The following TMPRSS15 variants were observed in gnomAD, a reference collection of about 807,000 sequenced individuals.
TMPRSS15 encodes the protein enteropeptidase.
A neutral mutation model predicts 125.3 loss-of-function variants in TMPRSS15; 128 were observed. The ratio of observed to expected loss-of-function variants is 1.02; its 90% CI spans 0.89 to 1.18. The LOEUF is 1.18. TMPRSS15 is among the 50% of genes most tolerant of loss of function. The pLI is 0.00. For synonymous variants in TMPRSS15, 446 were observed against 423.2 expected (o/e 1.05, Z -0.66); for missense variants, 1,283 against 1,212.7 (o/e 1.06, Z -0.86).
chr21:18,372,098 ATGTGTGTGTGTGTG>A (rs56932398), intron 6 of TMPRSS15, 81 bp downstream of exon 6: 199 of 538,756 alleles, frequency 3.7e-4, no homozygotes, highest in African/African-American at 2.8e-3. Flanking sequence ...TGAGATTAGA[ATGTGTGTGTGTGTG>A]TGTGTGTGTG....
chr21:18,292,995 T>G (rs1286552017), intron 21 of TMPRSS15, among the ~76,000 whole-genome samples: 1 of 152,172 alleles, frequency 6.6e-6, no homozygotes, highest in African/African-American at 2.4e-5. Flanking sequence ...GAGCTTTAGA[T>G]GTAGATGGGA....
Position 18,379,293 on chromosome 21 carries a change from C to G in TMPRSS15, c.522G>C (p.Leu174=), listed in dbSNP as rs773347274. The G allele has an allele frequency of 7.5e-7, 1 of 1,334,886 alleles. No homozygotes were observed. Among genetic ancestry groups the G allele is most frequent in the South Asian group, 2.2e-5 (1 of 45,760 alleles). 82.7% of individuals were successfully genotyped at this position (1,334,886 alleles called of 1,614,324 possible). Residue 174 remains leucine (L), a synonymous_variant, in exon 5 of 25, where the codon CTG becomes CTC. Transcript: ENST00000284885. The part of the protein sequence containing the change: ...ILDKLTTTSH[L]ATPGNVSIEC... ...ATTATTAAAACTGACCTGGAGTTGC[C>G]AGATGACTGGTGGTTGTTAGCTTGT...
rs551354827 is a variant in TMPRSS15 at position 18,383,133 on chromosome 21, C to T, written c.496+494G>A. 3.3e-5 allele frequency among the ~76,000 whole-genome samples: 5 copies of T among 152,180 alleles called. No individual in the cohort carries two copies. In the East Asian group the frequency reaches 5.8e-4, roughly 18 times the overall value. ...TTCCTGAAGTCAGGGTGTGCTTGAA[C>T]GGTGCAAAGAATGCGTAAGACCCAC... On this transcript the variant is annotated intron_variant, in intron 4 of 24. Coordinates refer to ENST00000284885, the MANE Select transcript of TMPRSS15 (RefSeq NM_002772.3).
chr21:18,422,072 C>T (rs1487941053), intron 1 of TMPRSS15, among the ~76,000 whole-genome samples: 8 of 151,686 alleles, frequency 5.3e-5, no homozygotes, highest in Non-Finnish European at 7.4e-5. Flanking sequence ...CAACCTCTGC[C>T]TCCCAGGTTC....
intron 19 of TMPRSS15, 117 bp from the exon 20 acceptor site, chr21:18,294,769 A>G (rs2074882014): frequency 2.3e-6 from 2 of 888,726 alleles, no homozygotes; most frequent in South Asian, 1.4e-5. Context: ...TGTCTCATAT[A>G]TGAAATGTAG....
intron 5 of TMPRSS15, among the ~76,000 whole-genome samples, chr21:18,377,404 G>C (rs1418655010): frequency 6.6e-6 from 1 of 151,864 alleles, no homozygotes; most frequent in Non-Finnish European, 1.5e-5. Context: ...ACTCAGAAGG[G>C]GGAAGGAGTA....
chr21:18,353,110 T>C, intron 9 of TMPRSS15, 58 bp from the exon 10 acceptor site: 1 of 1,428,100 alleles, frequency 7.0e-7, no homozygotes, highest in Non-Finnish European at 9.8e-7. Flanking sequence ...TGAGTAGTTA[T>C]ATTAGATTGT....
chr21:18,343,990 CA>C lies in TMPRSS15; in HGVS notation c.1241del (p.Leu414TrpfsTer24). ...GGCAAGCTGGCTCCAAAGTGGGGTC[CA>C]AAGGGAGGCTTAAAAGCCCCACTCG... ...QERVGLLSLP[L>X]DPTLEPACLS... is the part of the protein sequence containing the mutation. On this transcript the variant is annotated frameshift_variant, in exon 11 of 25. Transcript: ENST00000284885. LOFTEE classifies it high-confidence loss of function. The C allele has an allele frequency of 6.2e-7, 1 of 1,614,042 alleles. No homozygotes were observed. The highest frequency in any genetic ancestry group is 8.5e-7 in the Non-Finnish European group (1 of 1,180,022).
intron 18 of TMPRSS15, among the ~76,000 whole-genome samples, chr21:18,303,610 C>A (rs935301210): frequency 1.3e-5 from 2 of 152,084 alleles, no homozygotes; most frequent in African/African-American, 4.8e-5. Context: ...AATATAGAAA[C>A]CTCCTCTTTT....
At chr21:18,425,834 G>A (rs2076201558) in intron 1 of TMPRSS15, among the ~76,000 whole-genome samples, 1 of 152,002 alleles carries the variant, frequency 6.6e-6, no homozygotes, top group Non-Finnish European at 1.5e-5. Flanking sequence ...AGTATTCTGG[G>A]CTTCAAGCAC....
chr21:18,451,700 G>C (rs1228871111), intron 1 of TMPRSS15, among the ~76,000 whole-genome samples: 1 of 152,106 alleles, frequency 6.6e-6, no homozygotes, highest in South Asian at 2.1e-4. Flanking sequence ...TGTTTCACTT[G>C]TTATTAAATT....
At chr21:18,280,596 C>CAAAAAAAAAA (rs1246672347) in intron 22 of TMPRSS15, among the ~76,000 whole-genome samples, 1 of 102,146 alleles carries the variant, frequency 9.8e-6, no homozygotes, top group African/African-American at 4.5e-5. Flanking sequence ...AAAAAAAAAA[C>CAAAAAAAAAA]AACAAAACAA....
At chr21:18,415,373 T>C (rs995304383) in intron 1 of TMPRSS15, among the ~76,000 whole-genome samples, 7 of 152,152 alleles carry the variant, frequency 4.6e-5, no homozygotes, top group Admixed American at 2.0e-4. Context: ...CCCACTTCTC[T>C]AGTTTTGCTT....
At chr21:18,371,411 A>G (rs1398939966) in intron 6 of TMPRSS15, among the ~76,000 whole-genome samples, 1 of 152,178 alleles carries the variant, frequency 6.6e-6, no homozygotes, top group Non-Finnish European at 1.5e-5. Flanking sequence ...CAAATTACCT[A>G]CTTAGATGCT....
intron 18 of TMPRSS15, among the ~76,000 whole-genome samples, chr21:18,300,915 G>A (rs1212521515): frequency 6.6e-6 from 1 of 151,814 alleles, no homozygotes; most frequent in Non-Finnish European, 1.5e-5. Flanking sequence ...GCTGCTCCAG[G>A]GTGGCACTTT....
At chr21:18,443,679 G>T (rs182268428) in intron 1 of TMPRSS15, among the ~76,000 whole-genome samples, 44 of 152,286 alleles carry the variant, frequency 2.9e-4, no homozygotes, top group South Asian at 4.1e-4. Flanking sequence ...GCTAGACAAG[G>T]CTCAGTGCCA....
intron 1 of TMPRSS15, among the ~76,000 whole-genome samples, chr21:18,452,364 A>G (rs576634258): frequency 6.6e-6 from 1 of 152,302 alleles, no homozygotes; most frequent in East Asian, 1.9e-4. Context: ...AAGCAAACAT[A>G]ATGTAATATT....
intron 21 of TMPRSS15, among the ~76,000 whole-genome samples, chr21:18,282,843 T>C (rs1464169890): frequency 6.6e-6 from 1 of 152,110 alleles, no homozygotes; most frequent in Non-Finnish European, 1.5e-5. Context: ...GTGACTGGGG[T>C]GCCTCATACA....
At chr21:18,281,968 G>A (rs568283513) in intron 21 of TMPRSS15, among the ~76,000 whole-genome samples, 1 of 151,518 alleles carries the variant, frequency 6.6e-6, no homozygotes, top group Admixed American at 6.6e-5. Context: ...GTGGTGGTGG[G>A]CGCCTGTAGT....
Sources: allele counts gnomAD v4.1 joint callset (sites outside exome capture counted in the v4.1 genomes callset), GRCh38; gene constraint gnomAD v4.1.1; transcripts MANE v1.5; gene names NCBI Gene and HGNC (gene_info 2026-07-23, HGNC 2026-07-21).